The following GOLGB1 variants were observed in gnomAD, a reference collection of about 807,000 sequenced individuals.
GOLGB1 encodes golgin B1.
GOLGB1 carries 174 observed loss-of-function variants against 336.9 expected under a neutral mutation model. That is an observed-to-expected ratio of 0.52 (90% CI 0.46 to 0.59). GOLGB1 has a LOEUF of 0.59. GOLGB1 is among the 20% of genes least tolerant of loss of function. The pLI is 0.00. For missense variants in GOLGB1, 3,331 were observed against 3,645.3 expected (o/e 0.91, Z 2.22); for synonymous variants, 1,208 against 1,289.2 (o/e 0.94, Z 1.35).
At chr3:121,733,215 C>A (rs967538631) in intron 1 of GOLGB1, among the ~76,000 whole-genome samples, 3 of 142,544 alleles carry the variant, frequency 2.1e-5, no homozygotes, top group Non-Finnish European at 3.0e-5. Flanking sequence ...CCCAGCTACT[C>A]TGGAGGCTGA....
intron 15 of GOLGB1, among the ~76,000 whole-genome samples, chr3:121,678,135 A>C (rs1019785268): frequency 6.6e-6 from 1 of 152,208 alleles, no homozygotes; most frequent in African/African-American, 2.4e-5. Context: ...ATTTGTTTAA[A>C]CAAAAAATTT....
chr3:121,714,476 T>C (rs1296196182), intron 10 of GOLGB1, among the ~76,000 whole-genome samples: 1 of 152,184 alleles, frequency 6.6e-6, no homozygotes, highest in East Asian at 1.9e-4. Context: ...ACTTTTAAGT[T>C]TGATTAGACT....
intron 17 of GOLGB1, 33 bp downstream of exon 17, chr3:121,676,860 A>G (rs769409554): frequency 6.7e-5 from 107 of 1,601,940 alleles, no homozygotes; most frequent in Non-Finnish European, 8.8e-5. Flanking sequence ...TGGAAAAAAG[A>G]AACTGAATTC....
intron 1 of GOLGB1, among the ~76,000 whole-genome samples, 198 bp downstream of exon 1, chr3:121,749,434 G>A (rs1227280420): frequency 6.6e-6 from 1 of 152,204 alleles, no homozygotes; most frequent in African/African-American, 2.4e-5. Context: ...CGGAGAGGCC[G>A]AGGCTTGTGG....
At chr3:121,740,061 G>T (rs1946745449) in intron 1 of GOLGB1, among the ~76,000 whole-genome samples, 1 of 152,192 alleles carries the variant, frequency 6.6e-6, no homozygotes, top group Non-Finnish European at 1.5e-5. Flanking sequence ...GTTAGAGAGG[G>T]GTTGGGGTGG....
chr3:121,722,126 T>C (rs1044808570), intron 6 of GOLGB1, 136 bp downstream of exon 6: 44 of 604,806 alleles, frequency 7.3e-5, no homozygotes, highest in African/African-American at 6.9e-4. Flanking sequence ...TACATATCCT[T>C]CTAATTTCTA....
chr3:121,670,404 A>G (rs1161330248), intron 17 of GOLGB1, among the ~76,000 whole-genome samples: 1 of 152,338 alleles, frequency 6.6e-6, no homozygotes, highest in South Asian at 2.1e-4. Context: ...AGTTTTCTAG[A>G]GACAACTGTG....
chr3:121,693,932 CT>C lies in GOLGB1; in HGVS notation c.6590del (p.Lys2197ArgfsTer13), dbSNP rs765191273. ...STVTQLAAFT[K>X]SMSSLQDDRD... ...GATCATCCTGGAGGGAAGACATGCT[CT>C]TAGTAAAGGCTGCAAGCTGGGTCAC... On this transcript the variant is annotated frameshift_variant, in exon 13 of 22. Transcript: ENST00000614479. LOFTEE classifies it high-confidence loss of function. The C allele has an allele frequency of 6.2e-7, 1 of 1,614,026 alleles. No individual in the cohort carries two copies.
intron 1 of GOLGB1, among the ~76,000 whole-genome samples, chr3:121,739,145 G>T (rs1382151747): frequency 6.6e-6 from 1 of 151,984 alleles, no homozygotes; most frequent in Non-Finnish European, 1.5e-5. Context: ...CATGCATGTA[G>T]GTCCAGCTAT....
At chr3:121,699,756 G>A (rs1943236409) in intron 12 of GOLGB1, 56 bp downstream of exon 12, 1 of 1,010,476 alleles carries the variant, frequency 9.9e-7, no homozygotes, top group Non-Finnish European at 1.5e-6. Context: ...TTCATATGAA[G>A]CTACCTTCTC....
Position 121,695,807 on chromosome 3 carries a change from G to A in GOLGB1, c.4716C>T (p.Ser1572=). Residue 1572 remains serine (S), a synonymous_variant, in exon 13 of 22, where the codon AGC becomes AGT. Transcript: ENST00000614479. Reference sequence around the variant, plus strand: ...GAGCTAGTTTTAGACTTTCACAGGAGCTGCTGAGACTCTGATTTTCCAATA... The same window carrying A: ...GAGCTAGTTTTAGACTTTCACAGGAACTGCTGAGACTCTGATTTTCCAATA... The part of the protein sequence containing the change: ...RSLLENQSLS[S]SCESLKLALE... 1 of 1,613,824 alleles carries A rather than the reference G, an allele frequency of 6.2e-7. No individual in the cohort carries two copies. Among genetic ancestry groups the A allele is most frequent in the Non-Finnish European group, 8.5e-7 (1 of 1,179,958 alleles).
chr3:121,709,854 CA>C (rs1454509334), intron 10 of GOLGB1, among the ~76,000 whole-genome samples: 1 of 151,846 alleles, frequency 6.6e-6, no homozygotes, highest in East Asian at 1.9e-4. Flanking sequence ...AGAAAATTAA[CA>C]AGACCAAAAG....
At position 121,697,190 on chromosome 3, in the gene GOLGB1, G is replaced by A. The variant is rs1943024941; in HGVS notation, c.3333C>T (p.Asn1111=). 4 of 1,614,018 alleles carry A rather than the reference G, an allele frequency of 2.5e-6. No individual in the cohort carries two copies. Among genetic ancestry groups the A allele is most frequent in the South Asian group, 2.2e-5 (2 of 91,074 alleles). ...TTTCTGCTTGGAGCAAATCTATTTGGTTTGTTTTATCTTGCAAGGTCTGAT... is the reference window on the plus strand; with the variant it reads ...TTTCTGCTTGGAGCAAATCTATTTGATTTGTTTTATCTTGCAAGGTCTGAT... ...QMNQTLQDKT[N]QIDLLQAEIS... The change falls in exon 13 of 22, where the codon AAC becomes AAT. Residue 1111 remains asparagine (N), a synonymous_variant. Coordinates refer to ENST00000614479, the MANE Select transcript of GOLGB1 (RefSeq NM_001366282.2).
chr3:121,672,123 G>C (rs1041978959), intron 17 of GOLGB1, among the ~76,000 whole-genome samples: 1 of 152,120 alleles, frequency 6.6e-6, no homozygotes, highest in African/African-American at 2.4e-5. Flanking sequence ...ATGTCTTTTT[G>C]ATATATTGAT....
Position 121,691,081 on chromosome 3 carries a change from TTCA to T in GOLGB1, c.8280_8282del (p.Asp2760del), listed in dbSNP as rs1309987288. The stretch of plus-strand genomic sequence containing the variant: ...GACTGGCATCATATTTCCTTTTCAG[TTCA>T]TCAAGTTCCTCATTGGCATGATCTC... On this transcript the variant is annotated inframe_deletion, in exon 14 of 22. Coordinates refer to ENST00000614479, the MANE Select transcript of GOLGB1 (RefSeq NM_001366282.2). The T allele has an allele frequency of 1.9e-6, 3 of 1,613,988 alleles. No homozygotes were observed. Among genetic ancestry groups the T allele is most frequent in the Non-Finnish European group, 2.5e-6 (3 of 1,180,040 alleles).
intron 4 of GOLGB1, among the ~76,000 whole-genome samples, chr3:121,728,950 T>C (rs969753633): frequency 7.9e-5 from 12 of 152,188 alleles, no homozygotes. Context: ...CCTTTTTTAA[T>C]CCCTGAAAGT....
intron 14 of GOLGB1, among the ~76,000 whole-genome samples, chr3:121,688,107 TA>T (rs1285752533): frequency 2.0e-5 from 3 of 152,108 alleles, no homozygotes; most frequent in Non-Finnish European, 2.9e-5. Flanking sequence ...ACTCTACAGT[TA>T]GGGGTAATAA....
In GOLGB1 at chr3:121,691,737, C is replaced by T; in HGVS notation, c.7627G>A (p.Glu2543Lys). ...KLDAELIQYR[E>K]DLNQVITIKD... ...ATTGTTATCACTTGGTTCAGGTCTTCTCTATATTGGATCAGTTCTGCATCT... is the reference window on the plus strand; with the variant it reads ...ATTGTTATCACTTGGTTCAGGTCTTTTCTATATTGGATCAGTTCTGCATCT... The change falls in exon 14 of 22, where the codon GAA becomes AAA. Residue 2543 changes from glutamate (E) to lysine (K), a missense_variant. Transcript: ENST00000614479. The T allele has an allele frequency of 6.2e-7, 1 of 1,613,762 alleles. No homozygotes were observed. Among genetic ancestry groups the T allele is most frequent in the South Asian group, 1.1e-5 (1 of 91,002 alleles).
intron 14 of GOLGB1, among the ~76,000 whole-genome samples, chr3:121,684,127 C>CAAAAAAAAAAAAAAAAAAAAAAA (rs61510295): frequency 9.2e-5 from 1 of 10,912 alleles, no homozygotes; most frequent in East Asian, 1.1e-3. Flanking sequence ...GACGCCGTCT[C>CAAAAAAAAAAAAAAAAAAAAAAA]AAAAAAAAAA....
Sources: allele counts gnomAD v4.1 joint callset (sites outside exome capture counted in the v4.1 genomes callset), GRCh38; gene constraint gnomAD v4.1.1; transcripts MANE v1.5; gene names NCBI Gene and HGNC (gene_info 2026-07-23, HGNC 2026-07-21).